GPR176: variants seen among roughly 807,000 people sequenced by gnomAD.
The protein encoded by GPR176 is G protein-coupled receptor 176.
Under a neutral mutation model 35.4 loss-of-function variants are expected in GPR176, and 26 were observed. The observed-to-expected ratio is 0.74, with a 90% confidence interval of 0.54 to 1.02. The LOEUF is 1.02. GPR176 is among the 50% of genes least tolerant of loss of function. GPR176 has a pLI of 0.00. For synonymous variants in GPR176, 278 were observed against 271.3 expected (o/e 1.02, Z -0.24); for missense variants, 597 against 665.3 (o/e 0.90, Z 1.13).
intron 1 of GPR176, among the ~76,000 whole-genome samples, chr15:39,886,480 TTAAGA>T (rs1342636943): frequency 6.6e-6 from 1 of 152,086 alleles, no homozygotes; most frequent in Non-Finnish European, 1.5e-5. Context: ...TTGGACCAAG[TTAAGA>T]TATCTGTGTT....
chr15:39,908,590 A>G (rs1469968262), intron 1 of GPR176, among the ~76,000 whole-genome samples: 1 of 151,760 alleles, frequency 6.6e-6, no homozygotes, highest in Non-Finnish European at 1.5e-5. Flanking sequence ...TAATTGGAAA[A>G]CACAAGGGGT....
intron 1 of GPR176, among the ~76,000 whole-genome samples, chr15:39,881,973 G>A (rs769246763): frequency 4.6e-5 from 7 of 152,148 alleles, no homozygotes; most frequent in Non-Finnish European, 1.0e-4. Context: ...AGCTAGAAGC[G>A]TCAAAGATTT....
chr15:39,849,252 A>G (rs1266287127), intron 1 of GPR176, among the ~76,000 whole-genome samples: 1 of 152,174 alleles, frequency 6.6e-6, no homozygotes, highest in Admixed American at 6.5e-5. Flanking sequence ...TATGAAACAG[A>G]TCATTTGAAC....
chr15:39,904,323 G>C (rs1215589654), intron 1 of GPR176, among the ~76,000 whole-genome samples: 2 of 152,136 alleles, frequency 1.3e-5, no homozygotes, highest in Non-Finnish European at 2.9e-5. Flanking sequence ...GAGTTGCTCT[G>C]GTTCACATGC....
intron 1 of GPR176, among the ~76,000 whole-genome samples, chr15:39,809,355 T>C (rs1327586155): frequency 6.6e-6 from 1 of 152,086 alleles, no homozygotes; most frequent in East Asian, 1.9e-4. Context: ...CCAATACCCA[T>C]TTGGTTACAC....
rs144622514 is a variant in GPR176, at chr15:39,816,303, C to T, written c.173-9045G>A. Among the ~76,000 whole-genome samples the T allele has an allele frequency of 6.3e-3, 959 of 152,070 alleles. 11 individuals are homozygous for T. Among genetic ancestry groups the T allele is most frequent in the African/African-American group, 0.022 (919 of 41,470 alleles). On this transcript the variant is annotated intron_variant, in intron 1 of 2. Transcript: ENST00000561100. ...AGTGTTCTCAGCACAAATAAAAATA[C>T]GAGATAATGCACATGTCAATTAGCT...
At chr15:39,811,246 C>A (rs1052460248) in intron 1 of GPR176, among the ~76,000 whole-genome samples, 1 of 151,784 alleles carries the variant, frequency 6.6e-6, no homozygotes, top group Non-Finnish European at 1.5e-5. Flanking sequence ...CCAGGCTGCT[C>A]TCAAGCTCCT....
intron 1 of GPR176, among the ~76,000 whole-genome samples, chr15:39,861,091 ACT>A (rs1273728997): frequency 1.3e-5 from 2 of 152,112 alleles, no homozygotes. Flanking sequence ...GAGTTAACAA[ACT>A]CTAGATGGAA....
At chr15:39,872,112 T>G (rs2140839490) in intron 1 of GPR176, among the ~76,000 whole-genome samples, 1 of 152,280 alleles carries the variant, frequency 6.6e-6, no homozygotes, top group Non-Finnish European at 1.5e-5. Flanking sequence ...TTCCCAAGGT[T>G]GGAATATGCT....
At chr15:39,893,791 C>A (rs1277058415) in intron 1 of GPR176, among the ~76,000 whole-genome samples, 3 of 137,962 alleles carry the variant, frequency 2.2e-5, no homozygotes, top group Non-Finnish European at 3.2e-5. Context: ...CTGACCCCCC[C>A]ACCTCCCTCC....
intron 1 of GPR176, among the ~76,000 whole-genome samples, chr15:39,859,595 G>A (rs750413364): frequency 2.6e-5 from 4 of 152,034 alleles, no homozygotes; most frequent in Non-Finnish European, 5.9e-5. Flanking sequence ...AAGCTGCTAT[G>A]GAAAACAGTA....
intron 1 of GPR176, among the ~76,000 whole-genome samples, chr15:39,872,693 T>C (rs1182098048): frequency 1.3e-5 from 2 of 152,126 alleles, no homozygotes; most frequent in Non-Finnish European, 1.5e-5. Context: ...CACATTCATA[T>C]GATGAAAGCA....
At chr15:39,916,675 C>A (rs773081508) in intron 1 of GPR176, among the ~76,000 whole-genome samples, 1 of 151,956 alleles carries the variant, frequency 6.6e-6, no homozygotes, top group Admixed American at 6.6e-5. Context: ...TAAAGAAAAA[C>A]GAATTTGTCT....
chr15:39,865,796 T>A (rs543366408), intron 1 of GPR176, among the ~76,000 whole-genome samples: 9 of 152,310 alleles, frequency 5.9e-5, no homozygotes, highest in African/African-American at 2.2e-4. Flanking sequence ...ATTGGCAACA[T>A]CTAACAAAAT....
chr15:39,810,714 C>T (rs1252652717), intron 1 of GPR176, among the ~76,000 whole-genome samples: 1 of 152,086 alleles, frequency 6.6e-6, no homozygotes, highest in Non-Finnish European at 1.5e-5. Context: ...AAAGCTAATG[C>T]AAAGTGGAGG....
chr15:39,896,871 A>T (rs1307065340), intron 1 of GPR176, among the ~76,000 whole-genome samples: 1 of 152,256 alleles, frequency 6.6e-6, no homozygotes, highest in African/African-American at 2.4e-5. Context: ...TCCTGTCTCT[A>T]TAAAGAGAGA....
At chr15:39,860,551 G>C (rs944436386) in intron 1 of GPR176, among the ~76,000 whole-genome samples, 1 of 152,172 alleles carries the variant, frequency 6.6e-6, no homozygotes, top group Non-Finnish European at 1.5e-5. Context: ...TAATTTTAGA[G>C]TGTCTGTTGA....
chr15:39,881,312 A>C (rs928274824), intron 1 of GPR176, among the ~76,000 whole-genome samples: 3 of 152,258 alleles, frequency 2.0e-5, no homozygotes, highest in Non-Finnish European at 4.4e-5. Flanking sequence ...GCATATATTT[A>C]GCATTCAATT....
intron 1 of GPR176, among the ~76,000 whole-genome samples, chr15:39,817,127 TA>T (rs1483926294): frequency 6.8e-6 from 1 of 147,878 alleles, no homozygotes; most frequent in African/African-American, 2.5e-5. Flanking sequence ...TCCCAGTAGG[TA>T]GCCAGCAAGC....
Sources: gnomAD v4.1 joint callset for allele counts (sites outside exome capture counted in the v4.1 genomes callset) on GRCh38, gnomAD v4.1.1 for gene constraint, MANE v1.5 for transcripts, NCBI Gene and HGNC (gene_info 2026-07-23, HGNC 2026-07-21) for gene names.